The following CCDC191 variants were observed in gnomAD, a reference collection of about 807,000 sequenced individuals.
CCDC191 encodes coiled-coil domain containing 191, also known as coiled-coil domain-containing protein 191.
CCDC191 carries 99 observed loss-of-function variants against 114.0 expected under a neutral mutation model. That is an observed-to-expected ratio of 0.87 (90% CI 0.74 to 1.03). CCDC191 has a LOEUF of 1.03. CCDC191 is among the 50% of genes least tolerant of loss of function. The probability of loss-of-function intolerance (pLI) is 0.00; values close to 1 mark genes in which losing one functional copy is unlikely to be tolerated. For synonymous variants in CCDC191, 351 were observed against 376.0 expected (o/e 0.93, Z 0.77); for missense variants, 973 against 1,087.0 (o/e 0.90, Z 1.47).
intron 4 of CCDC191, among the ~76,000 whole-genome samples, chr3:114,041,176 G>A (rs2076554413): frequency 6.6e-6 from 1 of 151,984 alleles, no homozygotes. Flanking sequence ...ATTTGCTTCA[G>A]AACAAATATG....
Position 114,017,672 on chromosome 3 carries a change from G to A in CCDC191, c.1163+1006C>T, listed in dbSNP as rs575665114. Among the ~76,000 whole-genome samples the A allele has an allele frequency of 5.3e-4, 80 of 152,174 alleles. 1 individual carries two copies. The highest frequency in any genetic ancestry group is 1.9e-3 in the African/African-American group (77 of 41,516). Reference sequence around the variant, plus strand: ...ACATGAATTTCTCCCCAACCCCTAAGTAAACAAATGGTTCCTTCACATGGA... The same window carrying A: ...ACATGAATTTCTCCCCAACCCCTAAATAAACAAATGGTTCCTTCACATGGA... On this transcript the variant is annotated intron_variant, in intron 8 of 16. Transcript: ENST00000295878.
chr3:114,023,712 G>A (rs993757934), intron 7 of CCDC191, among the ~76,000 whole-genome samples: 2 of 152,012 alleles, frequency 1.3e-5, no homozygotes, highest in African/African-American at 4.8e-5. Flanking sequence ...AATTCAAGAT[G>A]GATTAAAGAC....
intron 4 of CCDC191, among the ~76,000 whole-genome samples, chr3:114,039,149 G>A (rs1159921026): frequency 6.6e-6 from 1 of 151,966 alleles, no homozygotes; most frequent in Non-Finnish European, 1.5e-5. Context: ...TAACAACTAT[G>A]TTACTGGTTT....
chr3:113,974,952 G>A (rs921361375), intron 16 of CCDC191, among the ~76,000 whole-genome samples: 1 of 152,018 alleles, frequency 6.6e-6, no homozygotes, highest in East Asian at 1.9e-4. Flanking sequence ...TTTATGCTTG[G>A]TAAATATGTC....
In CCDC191 at chr3:114,016,143, C is replaced by T. The variant is rs563661117; in HGVS notation, c.1163+2535G>A. ...AGGAAAACAACTGACATTTAAATAA[C>T]GAACATAATAAGTAATTTCAATGTC... On this transcript the variant is annotated intron_variant, in intron 8 of 16. Coordinates refer to ENST00000295878, the MANE Select transcript of CCDC191 (RefSeq NM_020817.2). Among the ~76,000 whole-genome samples, 16 of 152,296 alleles carry T rather than the reference C, an allele frequency of 1.1e-4. No homozygotes were observed. The South Asian group carries it at 1.9e-3, about 18-fold the overall frequency.
chr3:114,053,808 G>A (rs1011920834), intron 1 of CCDC191, among the ~76,000 whole-genome samples, 173 bp from the exon 2 acceptor site: 2 of 152,184 alleles, frequency 1.3e-5, no homozygotes. Flanking sequence ...ATAGCAGTAT[G>A]AGGAGAAAAC....
intron 8 of CCDC191, among the ~76,000 whole-genome samples, chr3:114,014,300 G>T (rs1382298805): frequency 6.6e-6 from 1 of 152,136 alleles, no homozygotes; most frequent in African/African-American, 2.4e-5. Context: ...GTTTTAAAGC[G>T]AGCCAGGCTA....
intron 4 of CCDC191, among the ~76,000 whole-genome samples, chr3:114,040,995 G>A (rs1313293354): frequency 6.6e-6 from 1 of 150,512 alleles, no homozygotes; most frequent in African/African-American, 2.4e-5. Context: ...CTTTTTAATG[G>A]TTACATAAAT....
chr3:114,007,624 C>T (rs750291476), intron 9 of CCDC191, among the ~76,000 whole-genome samples: 3 of 152,082 alleles, frequency 2.0e-5, no homozygotes, highest in African/African-American at 4.8e-5. Flanking sequence ...TCTTTTGGAT[C>T]ATGGTAACTT....
intron 7 of CCDC191, among the ~76,000 whole-genome samples, chr3:114,027,342 G>A (rs780238664): frequency 5.9e-5 from 9 of 152,150 alleles, no homozygotes; most frequent in South Asian, 2.1e-4. Context: ...TAGGCCGGGC[G>A]TGGTGGCTCA....
intron 11 of CCDC191, chr3:114,004,285 T>C (rs2075905867): frequency 1.0e-6 from 1 of 992,722 alleles, no homozygotes; most frequent in Admixed American, 6.1e-5. Context: ...AGGTGTCCTT[T>C]ATCAGTGTTT....
chr3:113,983,321 A>T (rs1172064161), intron 13 of CCDC191, among the ~76,000 whole-genome samples: 1 of 152,114 alleles, frequency 6.6e-6, no homozygotes, highest in Admixed American at 6.6e-5. Flanking sequence ...CTATCCAGAC[A>T]ATCTCCCAAG....
intron 15 of CCDC191, chr3:113,978,619 G>A: frequency 3.4e-6 from 2 of 589,274 alleles, no homozygotes; most frequent in East Asian, 2.9e-5. Flanking sequence ...AACAAAAGCT[G>A]ATGGAATGAT....
chr3:114,005,546 G>C lies in CCDC191; in HGVS notation c.1830C>G (p.Pro610=), dbSNP rs750728574. 6.2e-7 allele frequency: 1 copy of C among 1,613,428 alleles called. No individual in the cohort carries two copies. Among genetic ancestry groups the C allele is most frequent in the Admixed American group, 1.7e-5 (1 of 59,852 alleles). Residue 610 remains proline, a synonymous_variant, in exon 10 of 17, where the codon CCC becomes CCG. Coordinates refer to ENST00000295878, the MANE Select transcript of CCDC191 (RefSeq NM_020817.2). ...TEAQSHLLSK[P]REEEPRTCQM... is the part of the protein sequence containing the mutation. ...GGCAGGTTCTTGGTTCCTCTTCTCT[G>C]GGCTTTGACAGCAGGTGGCTCTGTG...
intron 2 of CCDC191, chr3:114,047,027 A>G (rs547598288): frequency 1.0e-6 from 1 of 953,810 alleles, no homozygotes; most frequent in Non-Finnish European, 1.2e-6. Context: ...CATTAGTGAT[A>G]GGATCCTGAG....
intron 3 of CCDC191, among the ~76,000 whole-genome samples, chr3:114,045,746 A>T (rs2076621000): frequency 6.6e-6 from 1 of 152,026 alleles, no homozygotes; most frequent in South Asian, 2.1e-4. Flanking sequence ...GCCTGTCTGT[A>T]CTTCATGCTC....
chr3:114,013,510 C>T (rs1472763164), intron 8 of CCDC191, among the ~76,000 whole-genome samples: 2 of 152,130 alleles, frequency 1.3e-5, no homozygotes, highest in Admixed American at 1.3e-4. Flanking sequence ...TAGTCAGATG[C>T]AACTTACTTT....
At chr3:113,995,446 T>A (rs2075693388) in intron 13 of CCDC191, among the ~76,000 whole-genome samples, 1 of 152,024 alleles carries the variant, frequency 6.6e-6, no homozygotes, top group Admixed American at 6.6e-5. Flanking sequence ...AACAACAAAA[T>A]CAACCAGAAT....
intron 7 of CCDC191, among the ~76,000 whole-genome samples, chr3:114,022,127 C>A (rs1273212668): frequency 2.0e-5 from 3 of 152,054 alleles, no homozygotes; most frequent in African/African-American, 7.2e-5. Context: ...GAAATGGTGT[C>A]CTCCCCACAA....
Sources: allele counts gnomAD v4.1 joint callset (sites outside exome capture counted in the v4.1 genomes callset), GRCh38; gene constraint gnomAD v4.1.1; transcripts MANE v1.5; gene names NCBI Gene and HGNC (gene_info 2026-07-23, HGNC 2026-07-21).